The following GALNT1 variants were observed in gnomAD, a reference collection of about 807,000 sequenced individuals.
GALNT1 encodes GalNAc transferase 1.
GALNT1 carries 17 observed loss-of-function variants against 65.7 expected under a neutral mutation model. The ratio of observed to expected loss-of-function variants is 0.26; its 90% CI spans 0.18 to 0.39. The LOEUF (loss-of-function observed/expected upper bound fraction) is 0.39. Among genes scored for constraint, GALNT1 ranks in the 10% least tolerant of loss-of-function variants. The pLI, the probability that GALNT1 is intolerant of heterozygous loss-of-function variation, is 1.00. For synonymous variants in GALNT1, 210 were observed against 219.7 expected, an observed-to-expected ratio of 0.96 and a Z score of 0.39; for missense variants, 460 against 672.8, an observed-to-expected ratio of 0.68 and a Z score of 3.50.
chr18:35,709,457 T>TCTCG (rs2048320569), intron 11 of GALNT1, among the ~76,000 whole-genome samples, 167 bp from the exon 12 acceptor site: 1 of 151,912 alleles, frequency 6.6e-6, no homozygotes, highest in Non-Finnish European at 1.5e-5. Flanking sequence ...TCTCTCTCTC[T>TCTCG]CTCTGTTTCT....
chr18:35,608,388 G>A (rs2046677288), intron 1 of GALNT1, among the ~76,000 whole-genome samples: 1 of 152,164 alleles, frequency 6.6e-6, no homozygotes, highest in African/African-American at 2.4e-5. Context: ...AATAGAGGTA[G>A]TTTTATTTCT....
chr18:35,607,818 T>G (rs949647737), intron 1 of GALNT1, among the ~76,000 whole-genome samples: 35 of 152,170 alleles, frequency 2.3e-4, no homozygotes, highest in African/African-American at 8.2e-4. Context: ...ATATATCAAC[T>G]AGAACCTCCA....
chr18:35,601,600 C>G (rs182378100), intron 1 of GALNT1, among the ~76,000 whole-genome samples: 1 of 151,930 alleles, frequency 6.6e-6, no homozygotes, highest in Non-Finnish European at 1.5e-5. Context: ...GATTTTGATA[C>G]GTTGTGTATC....
At chr18:35,583,957 A>C (rs921592954) in intron 1 of GALNT1, among the ~76,000 whole-genome samples, 2 of 152,244 alleles carry the variant, frequency 1.3e-5, no homozygotes, top group Non-Finnish European at 2.9e-5. Context: ...ATAGTTTTTA[A>C]AAAATTTTGT....
chr18:35,584,527 T>C (rs2143818298), intron 1 of GALNT1, among the ~76,000 whole-genome samples: 1 of 152,332 alleles, frequency 6.6e-6, no homozygotes, highest in East Asian at 1.9e-4. Flanking sequence ...GGCAACTTCG[T>C]AGAAGAGAGT....
intron 1 of GALNT1, among the ~76,000 whole-genome samples, chr18:35,589,684 G>A (rs2046420823): frequency 6.6e-6 from 1 of 152,108 alleles, no homozygotes. Flanking sequence ...TATATGTAAT[G>A]TTCAGAGTTT....
chr18:35,606,302 A>T (rs1415824727), intron 1 of GALNT1, among the ~76,000 whole-genome samples: 2 of 152,344 alleles, frequency 1.3e-5, no homozygotes, highest in East Asian at 3.9e-4. Context: ...GGAAAAGTGC[A>T]AACTTATCAT....
chr18:35,671,162 C>T (rs1234180624), intron 3 of GALNT1, among the ~76,000 whole-genome samples: 1 of 151,956 alleles, frequency 6.6e-6, no homozygotes, highest in Non-Finnish European at 1.5e-5. Flanking sequence ...TTGCTTCTCT[C>T]GTGCTCATGT....
intron 9 of GALNT1, among the ~76,000 whole-genome samples, chr18:35,695,221 G>C (rs1192382160): frequency 6.8e-6 from 1 of 147,088 alleles, no homozygotes; most frequent in Non-Finnish European, 1.5e-5. Context: ...TGGGTGTCAT[G>C]TATTTGGGTG....
At chr18:35,637,279 G>C (rs1303386556) in intron 1 of GALNT1, among the ~76,000 whole-genome samples, 1 of 152,202 alleles carries the variant, frequency 6.6e-6, no homozygotes, top group East Asian at 1.9e-4. Context: ...AGTGAGGAAG[G>C]CATGTCGAAA....
chr18:35,630,330 G>A (rs1419349348), intron 1 of GALNT1, among the ~76,000 whole-genome samples: 2 of 152,164 alleles, frequency 1.3e-5, no homozygotes, highest in East Asian at 1.9e-4. Flanking sequence ...AAATGTAAAA[G>A]AACAGAAATT....
intron 1 of GALNT1, among the ~76,000 whole-genome samples, chr18:35,587,038 C>A (rs1301964820): frequency 6.6e-6 from 1 of 152,052 alleles, no homozygotes; most frequent in African/African-American, 2.4e-5. Context: ...TCATGCAAGT[C>A]CTGTACATAT....
intron 1 of GALNT1, among the ~76,000 whole-genome samples, chr18:35,606,996 T>C (rs2046658497): frequency 6.6e-6 from 1 of 152,002 alleles, no homozygotes; most frequent in Admixed American, 6.6e-5. Flanking sequence ...TCAAAGGTGC[T>C]CTTAGTTGGT....
chr18:35,599,928 GCTTT>G (rs1467070820), intron 1 of GALNT1, among the ~76,000 whole-genome samples: 2 of 152,136 alleles, frequency 1.3e-5, no homozygotes, highest in Non-Finnish European at 2.9e-5. Flanking sequence ...GGTTACTATG[GCTTT>G]CTAATACATT....
rs1360988624 is a variant in GALNT1 at position 35,703,581 on chromosome 18, C to T, written c.1471C>T (p.Pro491Ser). 1 of 1,613,798 alleles carries T rather than the reference C, an allele frequency of 6.2e-7. No individual in the cohort carries two copies. Among genetic ancestry groups the T allele is most frequent in the Non-Finnish European group, 8.5e-7 (1 of 1,179,894 alleles). ...CTTGGATGTTTCCAAACTTAATGGCCCAGTTACAATGCTCAAATGCCACCA... is the reference window on the plus strand; with the variant it reads ...CTTGGATGTTTCCAAACTTAATGGCTCAGTTACAATGCTCAAATGCCACCA... ...LCLDVSKLNGPVTMLKCHHLK... is the reference protein window; with the variant it reads ...LCLDVSKLNGSVTMLKCHHLK... The change falls in exon 11 of 12, where the codon CCA becomes TCA. Residue 491 changes from proline to serine, a missense_variant. Transcript: ENST00000269195.
At chr18:35,670,951 A>ATTG (rs2047625946) in intron 3 of GALNT1, among the ~76,000 whole-genome samples, 1 of 152,230 alleles carries the variant, frequency 6.6e-6, no homozygotes, top group Admixed American at 6.5e-5. Flanking sequence ...TTTACCTCAC[A>ATTG]TCATACAGAA....
At chr18:35,600,456 G>A (rs576451164) in intron 1 of GALNT1, among the ~76,000 whole-genome samples, 3 of 152,124 alleles carry the variant, frequency 2.0e-5, no homozygotes, top group Admixed American at 6.6e-5. Flanking sequence ...ATAATACCAT[G>A]TTGTTGCAAA....
intron 2 of GALNT1, among the ~76,000 whole-genome samples, chr18:35,661,644 G>C (rs1268726368): frequency 1.3e-5 from 2 of 152,064 alleles, no homozygotes; most frequent in African/African-American, 4.8e-5. Context: ...TGTTGAAGAA[G>C]AAATTGAGGT....
chr18:35,702,821 G>C, intron 9 of GALNT1, 76 bp from the exon 10 acceptor site: 2 of 906,184 alleles, frequency 2.2e-6, no homozygotes, highest in Non-Finnish European at 1.7e-6. Flanking sequence ...TTGATATTTA[G>C]TGTATATGTG....
Sources: allele counts gnomAD v4.1 joint callset (sites outside exome capture counted in the v4.1 genomes callset), GRCh38; gene constraint gnomAD v4.1.1; transcripts MANE v1.5; gene names NCBI Gene and HGNC (gene_info 2026-07-23, HGNC 2026-07-21).